The following ANXA13 variants were observed in gnomAD, a reference collection of about 807,000 sequenced individuals.
ANXA13 encodes annexin A13, also known as annexin XIII.
A neutral mutation model predicts 46.6 loss-of-function variants in ANXA13; 36 were observed. That is an observed-to-expected ratio of 0.77 (90% CI 0.59 to 1.02). The LOEUF (loss-of-function observed/expected upper bound fraction) is 1.02. Ranked by LOEUF, ANXA13 falls within the 50% of genes least tolerant of loss-of-function variation. ANXA13 has a pLI of 0.00. For missense variants in ANXA13, 417 were observed against 396.5 expected, an observed-to-expected ratio of 1.05 and a Z score of -0.44; for synonymous variants, 163 against 152.9, an observed-to-expected ratio of 1.07 and a Z score of -0.49.
At chr8:123,689,070 G>T in intron 8 of ANXA13, 124 bp from the exon 9 acceptor site, 1 of 840,146 alleles carries the variant, frequency 1.2e-6, no homozygotes, top group Non-Finnish European at 2.0e-6. Context: ...TCAGGGAACT[G>T]CTATCCTGAC....
chr8:123,688,812 T>C, intron 9 of ANXA13, 59 bp downstream of exon 9: 1 of 1,489,744 alleles, frequency 6.7e-7, no homozygotes, highest in Non-Finnish European at 9.4e-7. Flanking sequence ...CAAACCTCTG[T>C]CTGAGTCTGG....
At position 123,693,208 on chromosome 8, in the gene ANXA13, C is replaced by A; in HGVS notation, c.631G>T (p.Ala211Ser). 3 of 1,614,078 alleles carry A rather than the reference C, an allele frequency of 1.9e-6. No individual in the cohort carries two copies. The highest frequency in any genetic ancestry group is 1.7e-6 in the Non-Finnish European group (2 of 1,179,946). ...SYKQLRATFQAYQILIGKDIE... is the reference protein window; with the variant it reads ...SYKQLRATFQSYQILIGKDIE... ...ACTTTATGACTTACAATTTGATAGG[C>A]TTGAAAGGTGGCTCGTAACTGCTTG... is the stretch of plus-strand genomic sequence containing the variant. Residue 211 changes from alanine (A) to serine (S), a missense_variant, in exon 8 of 11, where the codon GCC becomes TCC. Ala to Ser is a moderately conservative substitution (Grantham distance 99). Coordinates refer to ENST00000419625, the MANE Select transcript of ANXA13 (RefSeq NM_004306.4).
At chr8:123,720,690 GTGTGTGTGAGT>G (rs1813848396) in intron 1 of ANXA13, among the ~76,000 whole-genome samples, 1 of 151,632 alleles carries the variant, frequency 6.6e-6, no homozygotes, top group African/African-American at 2.4e-5. Context: ...GTGTGTGTGT[GTGTGTGTGAGT>G]TAAGAACATT....
chr8:123,695,458 T>A, intron 6 of ANXA13, 44 bp downstream of exon 6: 1 of 1,460,534 alleles, frequency 6.8e-7, no homozygotes, highest in South Asian at 1.2e-5. Context: ...TGCCAAGGAT[T>A]CTTTCCTAAG....
chr8:123,692,058 C>T (rs1482156573), intron 8 of ANXA13, among the ~76,000 whole-genome samples: 1 of 152,216 alleles, frequency 6.6e-6, no homozygotes, highest in Admixed American at 6.5e-5. Context: ...TTGAAAGGAG[C>T]AGGCCCTAAA....
At chr8:123,703,430 G>A (rs940069188) in intron 2 of ANXA13, among the ~76,000 whole-genome samples, 6 of 152,176 alleles carry the variant, frequency 3.9e-5, no homozygotes, top group Admixed American at 3.3e-4. Context: ...TGTGGTGGTG[G>A]TTGCATGCAT....
chr8:123,734,022 C>G (rs79499274), intron 1 of ANXA13, among the ~76,000 whole-genome samples: 46 of 152,328 alleles, frequency 3.0e-4, no homozygotes, highest in African/African-American at 1.1e-3. Context: ...TAACAAGTGC[C>G]CACGCAATGT....
intron 2 of ANXA13, among the ~76,000 whole-genome samples, chr8:123,707,839 T>TATA (rs919610627): frequency 2.6e-5 from 4 of 151,636 alleles, no homozygotes; most frequent in South Asian, 2.1e-4. Context: ...GAACTTAAAG[T>TATA]ATAATAATAA....
intron 9 of ANXA13, among the ~76,000 whole-genome samples, chr8:123,687,383 C>T (rs1813159443): frequency 6.6e-6 from 1 of 152,132 alleles, no homozygotes; most frequent in African/African-American, 2.4e-5. Flanking sequence ...TATTTATATC[C>T]TACTGCTCAA....
intron 1 of ANXA13, among the ~76,000 whole-genome samples, chr8:123,722,342 A>AAAG (rs1554595357): frequency 2.2e-4 from 30 of 136,972 alleles, no homozygotes; most frequent in African/African-American, 8.2e-4. Flanking sequence ...GAAAGAAAAG[A>AAAG]AAAGAAAGAA....
chr8:123,685,867 G>A (rs1813132215), intron 9 of ANXA13, among the ~76,000 whole-genome samples: 1 of 152,146 alleles, frequency 6.6e-6, no homozygotes, highest in African/African-American at 2.4e-5. Context: ...GCTATTCTGG[G>A]GAGTAGCATA....
At chr8:123,687,335 C>T (rs1229823625) in intron 9 of ANXA13, among the ~76,000 whole-genome samples, 5 of 152,146 alleles carry the variant, frequency 3.3e-5, no homozygotes, top group East Asian at 1.9e-4. Context: ...TTAATTATGC[C>T]TAGTGTTCCA....
chr8:123,681,537 G>A (rs955234967), intron 10 of ANXA13, among the ~76,000 whole-genome samples, 178 bp from the exon 11 acceptor site: 2 of 151,890 alleles, frequency 1.3e-5, no homozygotes, highest in African/African-American at 2.4e-5. Context: ...TTTGTGATCA[G>A]GAAAGGGAAG....
At chr8:123,736,357 A>G (rs1196175531) in intron 1 of ANXA13, among the ~76,000 whole-genome samples, 1 of 152,128 alleles carries the variant, frequency 6.6e-6, no homozygotes, top group Non-Finnish European at 1.5e-5. Flanking sequence ...ATATACTTCA[A>G]TGTAAAAAAT....
chr8:123,737,016 CT>C (rs35962046), intron 1 of ANXA13, among the ~76,000 whole-genome samples: 75,924 of 145,198 alleles, frequency 0.52, 19,713 homozygotes, highest in East Asian at 0.74. Context: ...ACCTAGCTAA[CT>C]TTTTTTTTTT....
intron 1 of ANXA13, among the ~76,000 whole-genome samples, chr8:123,731,091 C>A (rs917179504): frequency 6.6e-6 from 1 of 152,184 alleles, no homozygotes; most frequent in Non-Finnish European, 1.5e-5. Flanking sequence ...ATCAGTTTCA[C>A]GTGGAAGGCT....
intron 1 of ANXA13, among the ~76,000 whole-genome samples, chr8:123,720,848 G>C (rs970575682): frequency 2.0e-5 from 3 of 152,144 alleles, no homozygotes; most frequent in Non-Finnish European, 4.4e-5. Context: ...TGATCCTTCA[G>C]TCTTGGCCTC....
chr8:123,681,331 A>C lies in ANXA13; in HGVS notation c.860T>G (p.Phe287Cys). Residue 287 changes from phenylalanine (F) to cysteine (C), a missense_variant, in exon 11 of 11, where the codon TTC becomes TGC. Phe to Cys is a radical substitution (Grantham distance 205, BLOSUM62 -2). Transcript: ENST00000419625. ...GAGAGACTTCTGATACTTCTCTTGG[A>C]ACTTTGCTTTGATCCCCTGAAGGTC... ...EVDLQGIKAK[F>C]QEKYQKSLSD... The C allele has an allele frequency of 6.2e-7, 1 of 1,614,056 alleles. No homozygotes were observed. Among genetic ancestry groups the C allele is most frequent in the Non-Finnish European group, 8.5e-7 (1 of 1,179,974 alleles).
chr8:123,685,903 C>T (rs1040063867), intron 9 of ANXA13, among the ~76,000 whole-genome samples: 1 of 152,202 alleles, frequency 6.6e-6, no homozygotes, highest in African/African-American at 2.4e-5. Context: ...GATCCCCAGA[C>T]AATTTGAGCT....
Sources: allele counts gnomAD v4.1 joint callset (sites outside exome capture counted in the v4.1 genomes callset), GRCh38; gene constraint gnomAD v4.1.1; transcripts MANE v1.5; gene names NCBI Gene and HGNC (gene_info 2026-07-23, HGNC 2026-07-21).